Variants in TACC2 observed in about 807,000 individuals in gnomAD.
TACC2 encodes transforming acidic coiled-coil-containing protein 2.
Under a neutral mutation model 227.3 loss-of-function variants are expected in TACC2, and 137 were observed. That is an observed-to-expected ratio of 0.60 (90% confidence interval 0.52 to 0.69). TACC2 has a LOEUF of 0.69. Ranked by LOEUF, TACC2 falls within the 30% of genes least tolerant of loss-of-function variation. TACC2 has a pLI of 0.00. For synonymous variants in TACC2, 1,523 were observed against 1,487.5 expected (o/e 1.02, Z -0.55); for missense variants, 3,470 against 3,694.4 (o/e 0.94, Z 1.57).
chr10:122,091,609 C>G (rs949667443), intron 5 of TACC2, among the ~76,000 whole-genome samples: 5 of 152,154 alleles, frequency 3.3e-5, no homozygotes, highest in Non-Finnish European at 5.9e-5. Flanking sequence ...CTCTCTCATC[C>G]AGCCTGGCAG....
At chr10:122,195,768 C>T (rs2094547285) in intron 8 of TACC2, among the ~76,000 whole-genome samples, 1 of 152,192 alleles carries the variant, frequency 6.6e-6, no homozygotes, top group Non-Finnish European at 1.5e-5. Context: ...GTGGGGCATG[C>T]ATTCTGCGCC....
At chr10:122,074,264 A>G (rs1370632579) in intron 3 of TACC2, among the ~76,000 whole-genome samples, 1 of 151,144 alleles carries the variant, frequency 6.6e-6, no homozygotes, top group Non-Finnish European at 1.5e-5. Context: ...TATTTTTAGT[A>G]GAGACGGAGT....
intron 1 of TACC2, among the ~76,000 whole-genome samples, chr10:122,019,204 G>A (rs1957046321): frequency 6.6e-6 from 1 of 152,200 alleles, no homozygotes; most frequent in South Asian, 2.1e-4. Context: ...AGCGATCTGG[G>A]CAAGCCTGCT....
At chr10:122,103,545 T>TAA (rs2082403955) in intron 5 of TACC2, among the ~76,000 whole-genome samples, 2 of 152,226 alleles carry the variant, frequency 1.3e-5, no homozygotes, top group Admixed American at 1.3e-4. Flanking sequence ...TTGGTGTTCT[T>TAA]TTACCAGTTA....
chr10:122,034,719 C>T (rs1959675779), intron 2 of TACC2, among the ~76,000 whole-genome samples: 1 of 152,038 alleles, frequency 6.6e-6, no homozygotes, highest in South Asian at 2.1e-4. Flanking sequence ...ATCACAGGGT[C>T]AGGAGTTTGA....
intron 3 of TACC2, among the ~76,000 whole-genome samples, chr10:122,074,927 G>C (rs950020543): frequency 6.6e-6 from 1 of 152,144 alleles, no homozygotes; most frequent in South Asian, 2.1e-4. Flanking sequence ...GAAGTCATTC[G>C]CACAACATAT....
intron 1 of TACC2, among the ~76,000 whole-genome samples, chr10:121,992,682 T>C (rs532185245): frequency 6.6e-6 from 1 of 152,326 alleles, no homozygotes; most frequent in South Asian, 2.1e-4. Flanking sequence ...TGGTTGGGCA[T>C]GGTGGCTTAC....
intron 19 of TACC2, chr10:122,247,438 C>T (rs2096149583): frequency 6.6e-6 from 1 of 152,194 alleles, no homozygotes; most frequent in Non-Finnish European, 1.5e-5. Context: ...CTGCTGTCAC[C>T]AAGAGAGCAA....
At chr10:122,196,255 G>T (rs534920839) in intron 8 of TACC2, among the ~76,000 whole-genome samples, 1 of 152,356 alleles carries the variant, frequency 6.6e-6, no homozygotes, top group East Asian at 1.9e-4. Flanking sequence ...CGAGCAGCCC[G>T]TTGTTTTGGA....
At position 122,229,350 on chromosome 10, in the gene TACC2, C is replaced by T. The variant is rs201040344; in HGVS notation, c.7901C>T (p.Ala2634Val). Residue 2634 changes from alanine (A) to valine (V), a missense_variant, in exon 15 of 23, where the codon GCT becomes GTT. Ala to Val is a moderately conservative substitution (Grantham distance 64, BLOSUM62 0). Transcript: ENST00000369005. ...GTPSEAIEITAPEGSFASADA... is the reference protein window; with the variant it reads ...GTPSEAIEITVPEGSFASADA... Reference sequence around the variant, plus strand: ...CTCCTCTCTGCCGGCTTTCAGACAGCTCCCGAGGGCTCCTTTGCCTCTGCT... The same window carrying T: ...CTCCTCTCTGCCGGCTTTCAGACAGTTCCCGAGGGCTCCTTTGCCTCTGCT... The T allele has an allele frequency of 2.4e-5, 38 of 1,614,050 alleles. No individual in the cohort carries two copies. In the Middle Eastern group the frequency reaches 6.6e-4, roughly 28 times the overall value.
rs2090603855 is a variant in TACC2, at chr10:122,141,822, G to A, written c.5700-1750G>A. ...TAAGTAAAATCTTGGTGGGATGTGT[G>A]TGGTGGAGGGGGGAGCACAGCAGTG... On this transcript the variant is annotated intron_variant, in intron 6 of 22. Transcript: ENST00000369005. This position sits in a 1 kb window ranked among gnomAD's most constrained non-coding sequence, Gnocchi z 4.3. Among the ~76,000 whole-genome samples the A allele has an allele frequency of 6.6e-6, 1 of 152,148 alleles. No individual in the cohort carries two copies. The highest frequency in any genetic ancestry group is 1.5e-5 in the Non-Finnish European group (1 of 68,044).
At chr10:122,072,420 C>T (rs2078187201) in intron 3 of TACC2, among the ~76,000 whole-genome samples, 1 of 152,192 alleles carries the variant, frequency 6.6e-6, no homozygotes, top group African/African-American at 2.4e-5. Context: ...GCTGTCCTGC[C>T]AAGGTCAGTG....
intron 7 of TACC2, among the ~76,000 whole-genome samples, chr10:122,174,130 T>A (rs2093602807): frequency 6.6e-6 from 1 of 152,196 alleles, no homozygotes. Flanking sequence ...CATTTCCTCT[T>A]TGTTTTTCCA....
chr10:122,091,181 C>T (rs942261815), intron 5 of TACC2, among the ~76,000 whole-genome samples: 1 of 152,038 alleles, frequency 6.6e-6, no homozygotes, highest in African/African-American at 2.4e-5. Context: ...TCTAGCATAG[C>T]AGCCCCTGGC....
intron 5 of TACC2, chr10:122,127,145 G>A (rs1218277811): frequency 2.4e-5 from 4 of 166,498 alleles, no homozygotes; most frequent in African/African-American, 7.2e-5. Context: ...CCAGAACTGT[G>A]AGCAATACAT....
chr10:122,176,117 C>CTCTATATATATATA (rs1447382017), intron 7 of TACC2, among the ~76,000 whole-genome samples: 1 of 54,654 alleles, frequency 1.8e-5, no homozygotes, highest in Non-Finnish European at 3.5e-5. Flanking sequence ...CTCTCTCTCT[C>CTCTATATATATATA]TATATATATA....
intron 7 of TACC2, among the ~76,000 whole-genome samples, chr10:122,182,972 G>A (rs1227974475): frequency 6.6e-6 from 1 of 152,110 alleles, no homozygotes; most frequent in East Asian, 1.9e-4. Context: ...CGGAGGCCAA[G>A]GTGGGTGGAT....
intron 5 of TACC2, among the ~76,000 whole-genome samples, chr10:122,112,844 C>A (rs537382803): frequency 6.6e-6 from 1 of 152,092 alleles, no homozygotes. Context: ...GCTCTGCGGC[C>A]GCGGGCCCCT....
At chr10:122,176,921 C>T (rs1232610905) in intron 7 of TACC2, among the ~76,000 whole-genome samples, 1 of 151,794 alleles carries the variant, frequency 6.6e-6, no homozygotes, top group Non-Finnish European at 1.5e-5. Context: ...CCTGGGGCTT[C>T]TGGTGGGTGG....
Sources: allele counts gnomAD v4.1 joint callset (sites outside exome capture counted in the v4.1 genomes callset), GRCh38; gene constraint gnomAD v4.1.1; non-coding constraint Gnocchi (gnomAD v3.1); transcripts MANE v1.5; gene names NCBI Gene and HGNC (gene_info 2026-07-23, HGNC 2026-07-21).